Variants in OGDH observed in about 807,000 individuals in gnomAD.
The protein encoded by OGDH is 2-oxoglutarate dehydrogenase complex component E1.
Under a neutral mutation model 116.6 loss-of-function variants are expected in OGDH, and 38 were observed. That is an observed-to-expected ratio of 0.33 (90% confidence interval 0.25 to 0.43). The LOEUF is 0.43. Ranked by LOEUF, OGDH falls within the 20% of genes least tolerant of loss-of-function variation. The pLI is 1.00. For synonymous variants in OGDH, 488 were observed against 533.3 expected (o/e 0.92, Z 1.17); for missense variants, 825 against 1,357.2 (o/e 0.61, Z 6.16).
rs546387096 is a variant in OGDH, at chr7:44,666,640, C to T, written c.518-96C>T. 4 of 529,298 alleles carry T rather than the reference C, an allele frequency of 7.6e-6. No individual in the cohort carries two copies. The Admixed American group carries it at 1.3e-4, about 18-fold the overall frequency. 32.8% of individuals were successfully genotyped at this position (529,298 alleles called of 1,614,324 possible). ...ATTTTTTTCTTCTCTTTTTGCTCAC[C>T]TGGGGAGTTCCTTCCCCTTTCCATA... On this transcript the variant is annotated intron_variant, in intron 4 of 22. Coordinates refer to ENST00000222673, the MANE Select transcript of OGDH (RefSeq NM_002541.4).
intron 1 of OGDH, among the ~76,000 whole-genome samples, chr7:44,621,906 G>A (rs939458181): frequency 6.6e-6 from 1 of 151,964 alleles, no homozygotes; most frequent in Non-Finnish European, 1.5e-5. Context: ...TGGCAGCTCT[G>A]CTGGGCAGCA....
chr7:44,616,831 A>T (rs1469225051), intron 1 of OGDH, among the ~76,000 whole-genome samples: 3 of 137,110 alleles, frequency 2.2e-5, no homozygotes, highest in African/African-American at 8.1e-5. Context: ...ATATGTGTAT[A>T]TATACACATA....
Position 44,668,646 on chromosome 7 carries a change from T to C in OGDH, c.633+1795T>C, listed in dbSNP as rs146429841. On this transcript the variant is annotated intron_variant, in intron 5 of 22. Transcript: ENST00000222673. ...TGTATTGGGCACCAGGGGGGAGTGA[T>C]AAGGATTAATCCAAGAAGAATGAAC... 5.0e-4 allele frequency among the ~76,000 whole-genome samples: 76 copies of C among 152,172 alleles called. 1 individual carries two copies. Among genetic ancestry groups the C allele is most frequent in the African/African-American group, 1.8e-3 (74 of 41,522 alleles).
chr7:44,608,707 C>G (rs887418207), intron 1 of OGDH, among the ~76,000 whole-genome samples: 1 of 150,896 alleles, frequency 6.6e-6, no homozygotes, highest in Non-Finnish European at 1.5e-5. Context: ...AGCGACAGAG[C>G]AAGACTCCAT....
rs776631661 is a variant in OGDH at position 44,708,043 on chromosome 7, T to C, written c.*44T>C. On this transcript the variant is annotated 3_prime_UTR_variant, in exon 23 of 23. Coordinates refer to ENST00000222673, the MANE Select transcript of OGDH (RefSeq NM_002541.4). ...TGGGCCACTGCCCTCTCCACACCCA[T>C]GACTGCCCCTTGCTTCTCAACTAAA... is the stretch of plus-strand genomic sequence containing the variant. 3.1e-6 allele frequency: 5 copies of C among 1,591,780 alleles called. No individual in the cohort carries two copies. Among genetic ancestry groups the C allele is most frequent in the Non-Finnish European group, 4.3e-6 (5 of 1,171,908 alleles).
At chr7:44,653,299 G>A (rs995257537) in intron 4 of OGDH, among the ~76,000 whole-genome samples, 1 of 151,998 alleles carries the variant, frequency 6.6e-6, no homozygotes, top group African/African-American at 2.4e-5. Flanking sequence ...CACTGTGTTG[G>A]TCAGGCTGGC....
chr7:44,681,332 G>T, intron 9 of OGDH, among the ~76,000 whole-genome samples: 1 of 152,244 alleles, frequency 6.6e-6, no homozygotes, highest in East Asian at 1.9e-4. Flanking sequence ...ATGAGGAGCT[G>T]CTCCTGGTTG....
intron 2 of OGDH, among the ~76,000 whole-genome samples, chr7:44,634,227 G>C (rs573703856): frequency 6.6e-6 from 1 of 152,344 alleles, no homozygotes; most frequent in South Asian, 2.1e-4. Flanking sequence ...AGTAGCTCCA[G>C]ACAGGGAAAA....
chr7:44,613,762 C>G (rs971161154), intron 1 of OGDH, among the ~76,000 whole-genome samples: 1 of 149,394 alleles, frequency 6.7e-6, no homozygotes, highest in Non-Finnish European at 1.5e-5. Flanking sequence ...TCCCAAAGTG[C>G]TGGGATAACA....
intron 1 of OGDH, among the ~76,000 whole-genome samples, chr7:44,613,293 G>A (rs1243280701): frequency 2.6e-5 from 4 of 150,966 alleles, no homozygotes; most frequent in African/African-American, 4.9e-5. Flanking sequence ...CTCTCACCTC[G>A]GCCTCCTGAG....
intron 1 of OGDH, among the ~76,000 whole-genome samples, chr7:44,621,764 C>T (rs560079424): frequency 7.2e-5 from 11 of 151,832 alleles, no homozygotes; most frequent in East Asian, 1.9e-4. Context: ...CCTAGCTACT[C>T]GGGAGGCTGA....
Position 44,610,862 on chromosome 7 carries a change from C to A in OGDH, c.-28+4209C>A, listed in dbSNP as rs150584680. On this transcript the variant is annotated intron_variant, in intron 1 of 22. Transcript: ENST00000222673. The stretch of plus-strand genomic sequence containing the variant: ...GACCTCGTGATCGACACCCCCTTGG[C>A]CTCCCAAAGTGCTGGGATTACAGGC... Among the ~76,000 whole-genome samples, 696 of 152,188 alleles carry A rather than the reference C, an allele frequency of 4.6e-3. 6 individuals carry two copies. The highest frequency in any genetic ancestry group is 0.016 in the African/African-American group (650 of 41,518).
chr7:44,645,575 C>A, intron 3 of OGDH, 57 bp downstream of exon 3: 1 of 1,515,280 alleles, frequency 6.6e-7, no homozygotes, highest in Non-Finnish European at 9.0e-7. Context: ...TTAGGTCATG[C>A]CTCATGGGCC....
chr7:44,665,914 TC>T (rs1787164705), intron 4 of OGDH, among the ~76,000 whole-genome samples: 1 of 152,212 alleles, frequency 6.6e-6, no homozygotes, highest in East Asian at 1.9e-4. Flanking sequence ...AAAGAGCTCT[TC>T]CAGCATTATT....
chr7:44,664,526 T>C (rs1787094772), intron 4 of OGDH, among the ~76,000 whole-genome samples: 1 of 152,166 alleles, frequency 6.6e-6, no homozygotes, highest in South Asian at 2.1e-4. Context: ...TGTTATCAAA[T>C]ACACCTCTTA....
intron 2 of OGDH, among the ~76,000 whole-genome samples, chr7:44,636,847 C>T (rs569711381): frequency 5.3e-5 from 8 of 152,118 alleles, no homozygotes; most frequent in African/African-American, 9.6e-5. Context: ...AATTATTTAC[C>T]GCTGAAATCT....
Position 44,629,206 on chromosome 7 carries a change from T to A in OGDH, c.222+4641T>A, listed in dbSNP as rs115118770. 3.1e-3 allele frequency among the ~76,000 whole-genome samples: 463 copies of A among 150,542 alleles called. 1 individual carries two copies. Among genetic ancestry groups the A allele is most frequent in the African/African-American group, 0.01 (425 of 40,882 alleles). On this transcript the variant is annotated intron_variant, in intron 2 of 22. Transcript: ENST00000222673. Reference sequence around the variant, plus strand: ...GCTAAGCCCCCATGAGTCTGGGTGTTGATCTCATTTTGTTTTGTAGGGACA... The same window carrying A: ...GCTAAGCCCCCATGAGTCTGGGTGTAGATCTCATTTTGTTTTGTAGGGACA...
intron 2 of OGDH, among the ~76,000 whole-genome samples, chr7:44,625,996 G>A (rs557374606): frequency 6.6e-6 from 1 of 151,940 alleles, no homozygotes; most frequent in Non-Finnish European, 1.5e-5. Flanking sequence ...AAGGTGGGGG[G>A]CGGGTATATT....
chr7:44,631,843 T>C (rs1173169423), intron 2 of OGDH, among the ~76,000 whole-genome samples: 1 of 147,816 alleles, frequency 6.8e-6, no homozygotes, highest in Non-Finnish European at 1.5e-5. Context: ...CCTTCCCTCT[T>C]TCCTTTCTCT....
Sources: gnomAD v4.1 joint callset for allele counts (sites outside exome capture counted in the v4.1 genomes callset) on GRCh38, gnomAD v4.1.1 for gene constraint, MANE v1.5 for transcripts, NCBI Gene and HGNC (gene_info 2026-07-23, HGNC 2026-07-21) for gene names.